ZBTB20: variants seen among roughly 807,000 people sequenced by gnomAD.
The protein encoded by ZBTB20 is zinc finger and BTB domain containing 20.
A neutral mutation model predicts 56.9 loss-of-function variants in ZBTB20; 9 were observed. The ratio of observed to expected loss-of-function variants is 0.16; its 90% CI spans 0.10 to 0.28. ZBTB20 has a LOEUF of 0.28. Ranked by LOEUF, ZBTB20 falls within the 10% of genes least tolerant of loss-of-function variation. The pLI is 1.00. For synonymous variants in ZBTB20, 417 were observed against 420.7 expected (o/e 0.99, Z 0.11); for missense variants, 655 against 1,003.0 (o/e 0.65, Z 4.69).
chr3:115,030,323 G>A (rs1355872929), intron 2 of ZBTB20, among the ~76,000 whole-genome samples: 1 of 150,960 alleles, frequency 6.6e-6, no homozygotes, highest in Admixed American at 6.6e-5. Flanking sequence ...TGAATTATCA[G>A]GCTGGAATAT....
At chr3:115,139,339 A>G (rs570892941) in intron 1 of ZBTB20, among the ~76,000 whole-genome samples, 2 of 152,190 alleles carry the variant, frequency 1.3e-5, no homozygotes, top group East Asian at 3.9e-4. Context: ...AACTGAGAGT[A>G]AAATTTTAAA....
intron 4 of ZBTB20, among the ~76,000 whole-genome samples, chr3:114,827,034 A>G (rs72956280): frequency 0.016 from 2,491 of 151,786 alleles, 75 homozygotes; most frequent in African/African-American, 0.056. Flanking sequence ...GAGGATTTAG[A>G]TCTCTAAATT....
chr3:114,446,191 G>T (rs10470389), intron 7 of ZBTB20, among the ~76,000 whole-genome samples: 49,698 of 151,730 alleles, frequency 0.33, 8,777 homozygotes, highest in South Asian at 0.43. Context: ...AGGTTTGCAG[G>T]GCCACCTTAT....
rs115742107 is a variant in ZBTB20, at chr3:114,655,669, A to C, written c.-295+37859T>G. 3.9e-3 allele frequency among the ~76,000 whole-genome samples: 601 copies of C among 152,322 alleles called. 3 individuals carry two copies. The highest frequency in any genetic ancestry group is 0.014 in the African/African-American group (580 of 41,560). ...TAGCAGTTGTTCTAAGGATTACAAT[A>C]TGCCTCTTTAATTATCACTGTTTAC... On this transcript the variant is annotated intron_variant, in intron 6 of 11. Coordinates refer to ENST00000675478, the MANE Select transcript of ZBTB20 (RefSeq NM_001348800.3).
intron 4 of ZBTB20, among the ~76,000 whole-genome samples, chr3:114,814,424 TAC>T (rs1377678487): frequency 6.6e-6 from 1 of 152,110 alleles, no homozygotes; most frequent in East Asian, 1.9e-4. Context: ...CATCTAAATT[TAC>T]TATATGATAC....
At chr3:114,357,697 C>T (rs1180039052) in intron 10 of ZBTB20, among the ~76,000 whole-genome samples, 2 of 152,184 alleles carry the variant, frequency 1.3e-5, no homozygotes, top group Admixed American at 6.5e-5. Flanking sequence ...GATTGAGATT[C>T]AGGCATCCCT....
At chr3:114,930,026 C>A (rs2076298034) in intron 3 of ZBTB20, among the ~76,000 whole-genome samples, 1 of 152,124 alleles carries the variant, frequency 6.6e-6, no homozygotes, top group African/African-American at 2.4e-5. Flanking sequence ...AGATGAAGCT[C>A]GTTTCTTGCC....
At chr3:114,623,893 C>G (rs547027878) in intron 6 of ZBTB20, among the ~76,000 whole-genome samples, 1 of 152,160 alleles carries the variant, frequency 6.6e-6, no homozygotes, top group African/African-American at 2.4e-5. Flanking sequence ...CCTATGCCTA[C>G]AGGCTGCTCC....
Position 114,660,938 on chromosome 3 carries a change from T to C in ZBTB20, c.-295+32590A>G, listed in dbSNP as rs1442651339. 1.3e-4 allele frequency among the ~76,000 whole-genome samples: 20 copies of C among 152,054 alleles called. 2 individuals are homozygous for C. The highest frequency in any genetic ancestry group is 1.3e-3 in the Admixed American group (20 of 15,258). ...AGAGAGAGAAGCTTTTGGACCTCTC[T>C]CTCCAAAAAGCCATTTATGCTTTTC... On this transcript the variant is annotated intron_variant, in intron 6 of 11. Coordinates refer to ENST00000675478, the MANE Select transcript of ZBTB20 (RefSeq NM_001348800.3).
In ZBTB20 at chr3:114,787,368, T is replaced by TATATATATACATAC. The variant is rs1433434685; in HGVS notation, c.-343+13732_-343+13733insGTATGTATATATAT. 1.1e-3 allele frequency among the ~76,000 whole-genome samples: 119 copies of TATATATATACATAC among 106,286 alleles called. 4 individuals carry two copies. The highest frequency in any genetic ancestry group is 5.1e-3 in the African/African-American group (112 of 22,032). The allele number at this position is 106,286 out of a possible 152,430, so 69.7% of individuals were successfully genotyped here. ...ATATATATATATATATATATATATA[T>TATATATATACATAC]ACACACACACACACACACACACACA... On this transcript the variant is annotated intron_variant, in intron 5 of 11. Transcript: ENST00000675478.
intron 6 of ZBTB20, among the ~76,000 whole-genome samples, chr3:114,568,038 CTTCTGCAGAG>C (rs1333582672): frequency 6.6e-6 from 1 of 152,230 alleles, no homozygotes; most frequent in Non-Finnish European, 1.5e-5. Context: ...AGGTGTCAGC[CTTCTGCAGAG>C]AGGTTAAGTC....
At chr3:114,571,602 A>G (rs2053446350) in intron 6 of ZBTB20, among the ~76,000 whole-genome samples, 1 of 152,154 alleles carries the variant, frequency 6.6e-6, no homozygotes, top group Non-Finnish European at 1.5e-5. Context: ...CACAGCATTA[A>G]GCAGGGCCAA....
chr3:114,909,711 T>C (rs983562864), intron 3 of ZBTB20, among the ~76,000 whole-genome samples: 2 of 151,986 alleles, frequency 1.3e-5, no homozygotes, highest in Non-Finnish European at 2.9e-5. Context: ...GCTCACACAA[T>C]GATGAAATCA....
intron 2 of ZBTB20, among the ~76,000 whole-genome samples, chr3:115,048,887 A>C (rs891863151): frequency 1.3e-5 from 2 of 152,186 alleles, no homozygotes; most frequent in African/African-American, 4.8e-5. Context: ...AAGGATTTAT[A>C]CCAATCCATG....
intron 1 of ZBTB20, among the ~76,000 whole-genome samples, chr3:115,134,055 C>A (rs1231589120): frequency 6.6e-6 from 1 of 152,150 alleles, no homozygotes; most frequent in Non-Finnish European, 1.5e-5. Context: ...ACAATCTCCT[C>A]ATCTTCTATC....
At chr3:114,710,380 G>C (rs2063990444) in intron 5 of ZBTB20, 1 of 152,116 alleles carries the variant, frequency 6.6e-6, no homozygotes, top group African/African-American at 2.4e-5. Flanking sequence ...TCCTTCCTCT[G>C]AACTCCTGTC....
intron 6 of ZBTB20, among the ~76,000 whole-genome samples, chr3:114,521,604 C>T (rs76046659): frequency 0.14 from 21,339 of 152,054 alleles, 1,563 homozygotes; most frequent in South Asian, 0.17. Flanking sequence ...TGTAATATTG[C>T]GACAGTACAT....
intron 1 of ZBTB20, among the ~76,000 whole-genome samples, chr3:115,098,993 A>T (rs760605984): frequency 9.9e-5 from 15 of 152,214 alleles, no homozygotes; most frequent in African/African-American, 3.4e-4. Context: ...AATTTTATCA[A>T]ATGAAGAGCA....
At chr3:114,463,146 T>C (rs188240537) in intron 7 of ZBTB20, among the ~76,000 whole-genome samples, 1 of 152,250 alleles carries the variant, frequency 6.6e-6, no homozygotes, top group Non-Finnish European at 1.5e-5. Context: ...ATGAATAATA[T>C]GTGCCTTACC....
Sources: gnomAD v4.1 joint callset for allele counts (sites outside exome capture counted in the v4.1 genomes callset) on GRCh38, gnomAD v4.1.1 for gene constraint, MANE v1.5 for transcripts, NCBI Gene and HGNC (gene_info 2026-07-23, HGNC 2026-07-21) for gene names.